SMIM21: variants seen among roughly 807,000 people sequenced by gnomAD.
SMIM21 encodes chromosome 18 open reading frame 62.
SMIM21 carries 8 observed loss-of-function variants against 8.6 expected under a neutral mutation model. That is an observed-to-expected ratio of 0.93 (90% CI 0.55 to 1.68). The LOEUF (loss-of-function observed/expected upper bound fraction) is 1.68, where lower values mean the gene tolerates loss of function less well. SMIM21 is among the 40% of genes most tolerant of loss of function. The pLI, the probability that SMIM21 is intolerant of heterozygous loss-of-function variation, is 0.00. For missense variants in SMIM21, 132 were observed against 123.0 expected, an observed-to-expected ratio of 1.07 and a Z score of -0.35; for synonymous variants, 43 against 41.7, an observed-to-expected ratio of 1.03 and a Z score of -0.12.
intron 2 of SMIM21, chr18:75,416,019 C>T (rs921367690): frequency 6.6e-6 from 1 of 152,152 alleles, no homozygotes; most frequent in Non-Finnish European, 1.5e-5. Flanking sequence ...TGTACATATA[C>T]CTTTATAATG....
chr18:75,421,385 T>G (rs2024706683), intron 1 of SMIM21, among the ~76,000 whole-genome samples: 1 of 151,968 alleles, frequency 6.6e-6, no homozygotes, highest in Admixed American at 6.5e-5. Flanking sequence ...TGAAACAAAA[T>G]CCATTCCCCT....
At chr18:75,426,630 GTAAAAAAAAAAAAAAA>G (rs2024765616) in intron 1 of SMIM21, among the ~76,000 whole-genome samples, 1 of 30,554 alleles carries the variant, frequency 3.3e-5, no homozygotes. Context: ...CTTTTAAAAT[GTAAAAAAAAAAAAAAA>G]AAAAAAAAAA....
At chr18:75,414,106 CACACACACACACACAT>C (rs2024615475) in intron 2 of SMIM21, among the ~76,000 whole-genome samples, 1 of 139,914 alleles carries the variant, frequency 7.1e-6, no homozygotes, top group African/African-American at 2.5e-5. Flanking sequence ...CATACACACA[CACACACACACACACAT>C]ACACACACAC....
intron 2 of SMIM21, among the ~76,000 whole-genome samples, chr18:75,413,141 G>A (rs896105372): frequency 6.6e-6 from 1 of 151,954 alleles, no homozygotes; most frequent in African/African-American, 2.4e-5. Flanking sequence ...AGTGTTCCTT[G>A]GGCATCCTAA....
At chr18:75,411,241 T>A (rs2024580940) in intron 2 of SMIM21, among the ~76,000 whole-genome samples, 1 of 152,194 alleles carries the variant, frequency 6.6e-6, no homozygotes, top group Non-Finnish European at 1.5e-5. Context: ...TAGATAGAAG[T>A]CGAGTATATG....
chr18:75,416,666 T>A (rs965363514), intron 2 of SMIM21: 1 of 152,180 alleles, frequency 6.6e-6, no homozygotes, highest in Non-Finnish European at 1.5e-5. Context: ...AAGGTAGGGA[T>A]CTTCATCTTA....
chr18:75,422,655 C>G (rs960424472), intron 1 of SMIM21, among the ~76,000 whole-genome samples: 7 of 152,194 alleles, frequency 4.6e-5, no homozygotes, highest in Admixed American at 4.6e-4. Context: ...AAGGTAGACA[C>G]ATGCTGCAAC....
chr18:75,419,310 C>A (rs1248242826), intron 1 of SMIM21, among the ~76,000 whole-genome samples: 1 of 152,120 alleles, frequency 6.6e-6, no homozygotes, highest in East Asian at 1.9e-4. Flanking sequence ...GATCTGTGAC[C>A]AGTATGACTT....
At chr18:75,419,604 G>A (rs187856780) in intron 1 of SMIM21, among the ~76,000 whole-genome samples, 30 of 152,230 alleles carry the variant, frequency 2.0e-4, no homozygotes, top group African/African-American at 7.2e-4. Context: ...GTGGCCATTG[G>A]AATAACAGGA....
At chr18:75,420,777 G>A (rs1374960343) in intron 1 of SMIM21, among the ~76,000 whole-genome samples, 1 of 152,178 alleles carries the variant, frequency 6.6e-6, no homozygotes, top group Non-Finnish European at 1.5e-5. Flanking sequence ...TGGAGATGAT[G>A]GAGCAGAAAG....
In SMIM21 at chr18:75,409,949, C is replaced by T. The variant is rs1018620484; in HGVS notation, c.*915G>A. The T allele has an allele frequency of 2.0e-5, 3 of 152,688 alleles. No individual in the cohort carries two copies. The highest frequency in any genetic ancestry group is 2.9e-5 in the Non-Finnish European group (2 of 68,088). The allele number at this position is 152,688 out of a possible 1,614,324, so 9.5% of individuals were successfully genotyped here. ...CAGGCGGATAGAGCAGGGCTCACCT[C>T]GTCAAGGACTTTGCAGCCGCCTTAA... is the stretch of plus-strand genomic sequence containing the variant. On this transcript the variant is annotated 3_prime_UTR_variant, in exon 3 of 3. Coordinates refer to ENST00000579022, the MANE Select transcript of SMIM21 (RefSeq NM_001037331.3).
chr18:75,422,198 C>A (rs1318520479), intron 1 of SMIM21, among the ~76,000 whole-genome samples: 1 of 152,106 alleles, frequency 6.6e-6, no homozygotes, highest in Non-Finnish European at 1.5e-5. Flanking sequence ...GAGGCTGCGA[C>A]CCCTTATTCC....
intron 2 of SMIM21, among the ~76,000 whole-genome samples, chr18:75,414,451 A>AT (rs2024622290): frequency 6.6e-6 from 1 of 152,168 alleles, no homozygotes; most frequent in Admixed American, 6.5e-5. Context: ...TTCCTACTTA[A>AT]GAGGAACCCA....
chr18:75,418,738 A>T, intron 2 of SMIM21, 48 bp downstream of exon 2: 4 of 1,502,462 alleles, frequency 2.7e-6, no homozygotes, highest in Non-Finnish European at 3.5e-6. Flanking sequence ...ACTCACTTTC[A>T]AAATATGTAG....
At chr18:75,417,799 T>C (rs896555995) in intron 2 of SMIM21, 2 of 162,872 alleles carry the variant, frequency 1.2e-5, no homozygotes, top group African/African-American at 4.8e-5. Context: ...ATATATAATG[T>C]TCCAATTAAG....
intron 2 of SMIM21, chr18:75,417,652 T>C (rs1865722): frequency 0.46 from 69,809 of 152,126 alleles, 18,468 homozygotes; most frequent in East Asian, 0.79. Context: ...AACGGCTCTC[T>C]AGGGTTAGCT....
At chr18:75,415,312 A>T (rs1475280224) in intron 2 of SMIM21, among the ~76,000 whole-genome samples, 1 of 152,236 alleles carries the variant, frequency 6.6e-6, no homozygotes, top group East Asian at 1.9e-4. Context: ...CAGTGGCAGA[A>T]CAATTCTCTG....
chr18:75,411,021 A>G, intron 2 of SMIM21, 112 bp from the exon 3 acceptor site: 2 of 1,438,144 alleles, frequency 1.4e-6, no homozygotes, highest in Admixed American at 4.0e-5. Flanking sequence ...TTTAAAATTT[A>G]ATTTTTCCCC....
chr18:75,420,464 G>A (rs949532336), intron 1 of SMIM21, among the ~76,000 whole-genome samples: 2 of 152,068 alleles, frequency 1.3e-5, no homozygotes, highest in African/African-American at 4.8e-5. Context: ...ACAATCATTA[G>A]AGAGCTACTC....
Sources: allele counts gnomAD v4.1 joint callset (sites outside exome capture counted in the v4.1 genomes callset), GRCh38; gene constraint gnomAD v4.1.1; transcripts MANE v1.5; gene names NCBI Gene and HGNC (gene_info 2026-07-23, HGNC 2026-07-21).